The following RBPMS variants were observed in gnomAD, a reference collection of about 807,000 sequenced individuals.
RBPMS encodes RNA-binding protein with multiple splicing.
A neutral mutation model predicts 26.8 loss-of-function variants in RBPMS; 7 were observed. That is an observed-to-expected ratio of 0.26 (90% CI 0.15 to 0.49). RBPMS has a LOEUF of 0.49. Ranked by LOEUF, RBPMS falls within the 20% of genes least tolerant of loss-of-function variation. The probability of loss-of-function intolerance (pLI) is 0.98; values close to 1 mark genes in which losing one functional copy is unlikely to be tolerated. For synonymous variants in RBPMS, 96 were observed against 93.3 expected, an observed-to-expected ratio of 1.03 and a Z score of -0.17; for missense variants, 186 against 250.0, an observed-to-expected ratio of 0.74 and a Z score of 1.73.
chr8:30,442,909 A>G (rs147529349), intron 1 of RBPMS: 10 of 152,312 alleles, frequency 6.6e-5, no homozygotes, highest in African/African-American at 9.6e-5. Context: ...GGAAGGCTAT[A>G]GAAAGACTTG....
chr8:30,483,816 G>A (rs1378398647), intron 4 of RBPMS, among the ~76,000 whole-genome samples: 1 of 151,620 alleles, frequency 6.6e-6, no homozygotes, highest in African/African-American at 2.4e-5. Flanking sequence ...TGCTTTCTCC[G>A]TGAATTTGCC....
intron 1 of RBPMS, among the ~76,000 whole-genome samples, chr8:30,419,704 T>C (rs1364833055): frequency 6.6e-6 from 1 of 152,104 alleles, no homozygotes; most frequent in East Asian, 1.9e-4. Flanking sequence ...AGCGAATGAA[T>C]TTTGTGTTTA....
intron 1 of RBPMS, among the ~76,000 whole-genome samples, chr8:30,436,703 C>G (rs1812487136): frequency 6.6e-6 from 1 of 152,172 alleles, no homozygotes; most frequent in Non-Finnish European, 1.5e-5. Context: ...CTAGGGTATG[C>G]AGTGTGCCTG....
chr8:30,496,270 G>A (rs1262461763), intron 4 of RBPMS, among the ~76,000 whole-genome samples: 6 of 151,432 alleles, frequency 4.0e-5, no homozygotes, highest in East Asian at 3.9e-4. Context: ...CTGATTTCAC[G>A]CCATTCTCCT....
Position 30,478,741 on chromosome 8 carries a change from G to A in RBPMS, c.184-574G>A, listed in dbSNP as rs184218725. Among the ~76,000 whole-genome samples the A allele has an allele frequency of 1.1e-4, 17 of 152,174 alleles. No homozygotes were observed. The East Asian group carries it at 2.1e-3, about 19-fold the overall frequency. On this transcript the variant is annotated intron_variant, in intron 3 of 8. Transcript: ENST00000397323. Reference sequence around the variant, plus strand: ...TCTTGATCTCTTGACCTCGTGATCCGCCCACCTTGGCCTCCCAAAGTACTG... The same window carrying A: ...TCTTGATCTCTTGACCTCGTGATCCACCCACCTTGGCCTCCCAAAGTACTG...
intron 1 of RBPMS, among the ~76,000 whole-genome samples, chr8:30,413,227 C>T (rs1016584854): frequency 6.6e-6 from 1 of 151,768 alleles, no homozygotes; most frequent in African/African-American, 2.4e-5. Context: ...TACAGGCATG[C>T]ACCACTATGC....
At chr8:30,478,006 T>C (rs941978280) in intron 3 of RBPMS, among the ~76,000 whole-genome samples, 169 bp downstream of exon 3, 17 of 152,360 alleles carry the variant, frequency 1.1e-4, no homozygotes, top group Middle Eastern at 3.4e-3. Flanking sequence ...TTCATAATTC[T>C]ATAATCTTCA....
chr8:30,503,102 A>G lies in RBPMS; in HGVS notation c.247-1184A>G, dbSNP rs1164435444. ...TCTGTGGCTTTTGTTAGGCCTCCCT[A>G]AGGACCTCTCTTTCCTTCCCCTTCC... On this transcript the variant is annotated intron_variant, in intron 4 of 8. Coordinates refer to ENST00000397323, the MANE Select transcript of RBPMS (RefSeq NM_001008710.3). Among the ~76,000 whole-genome samples the G allele has an allele frequency of 2.0e-5, 3 of 152,040 alleles. No homozygotes were observed. In the South Asian group the frequency reaches 6.2e-4, roughly 32 times the overall value.
chr8:30,442,386 A>G (rs535068286), intron 1 of RBPMS, among the ~76,000 whole-genome samples: 1 of 152,190 alleles, frequency 6.6e-6, no homozygotes, highest in African/African-American at 2.4e-5. Context: ...GTTGCACTCT[A>G]GGATCCTGGA....
intron 6 of RBPMS, chr8:30,558,643 G>A (rs769002414): frequency 5.1e-6 from 3 of 586,148 alleles, no homozygotes; most frequent in Admixed American, 2.8e-5. Flanking sequence ...GTGGAACCTC[G>A]GGCACTTCTC....
In RBPMS at chr8:30,505,775, A is replaced by G. The variant is rs139478033; in HGVS notation, c.397+1339A>G. 4.3e-3 allele frequency among the ~76,000 whole-genome samples: 648 copies of G among 152,290 alleles called. 6 individuals carry two copies. The highest frequency in any genetic ancestry group is 0.014 in the African/African-American group (583 of 41,572). Reference sequence around the variant, plus strand: ...TTTATTATAGTGAGTGGATAAATTGATACTGAAATTGGGCTACTTGTAGAA... The same window carrying G: ...TTTATTATAGTGAGTGGATAAATTGGTACTGAAATTGGGCTACTTGTAGAA... On this transcript the variant is annotated intron_variant, in intron 5 of 8. Coordinates refer to ENST00000397323, the MANE Select transcript of RBPMS (RefSeq NM_001008710.3).
At chr8:30,526,935 A>G (rs1823647686) in intron 5 of RBPMS, among the ~76,000 whole-genome samples, 1 of 152,218 alleles carries the variant, frequency 6.6e-6, no homozygotes, top group Admixed American at 6.5e-5. Flanking sequence ...ATCTAAAAAA[A>G]TTAAGAGAAT....
intron 4 of RBPMS, among the ~76,000 whole-genome samples, chr8:30,500,901 T>C (rs934604006): frequency 6.6e-6 from 1 of 152,112 alleles, no homozygotes; most frequent in Admixed American, 6.5e-5. Context: ...TGGTTTCATA[T>C]CTGATCTGTT....
At chr8:30,464,053 C>G (rs976042317) in intron 1 of RBPMS, among the ~76,000 whole-genome samples, 1 of 152,134 alleles carries the variant, frequency 6.6e-6, no homozygotes, top group Non-Finnish European at 1.5e-5. Flanking sequence ...ACTTGACAGG[C>G]TTAGGCAGGA....
At chr8:30,514,935 C>T (rs1057107627) in intron 5 of RBPMS, among the ~76,000 whole-genome samples, 2 of 152,080 alleles carry the variant, frequency 1.3e-5, no homozygotes, top group African/African-American at 4.8e-5. Flanking sequence ...ATTCCAAAAT[C>T]ATGCATGGGT....
At chr8:30,457,047 T>C (rs901822194) in intron 1 of RBPMS, among the ~76,000 whole-genome samples, 3 of 152,250 alleles carry the variant, frequency 2.0e-5, no homozygotes, top group Non-Finnish European at 4.4e-5. Context: ...GAGAACTGTT[T>C]GCCTGCACAT....
intron 5 of RBPMS, among the ~76,000 whole-genome samples, chr8:30,531,519 G>T (rs1347789265): frequency 3.3e-5 from 5 of 152,218 alleles, no homozygotes; most frequent in African/African-American, 1.2e-4. Context: ...AAGCAGCTCA[G>T]TTAGTCTAAA....
chr8:30,411,491 C>G (rs563625538), intron 1 of RBPMS, among the ~76,000 whole-genome samples: 1 of 151,792 alleles, frequency 6.6e-6, no homozygotes, highest in East Asian at 1.9e-4. Flanking sequence ...ATCTCGAAAA[C>G]CCATCTCTAC....
rs186829260 is a variant in RBPMS at position 30,414,475 on chromosome 8, G to A, written c.66+29317G>A. On this transcript the variant is annotated intron_variant, in intron 1 of 8. Transcript: ENST00000397323. ...AACCCAAGGTCACTGGGCCATCTGT[G>A]TATGGGTCAGCCAGCTCTGCTCTGC... Among the ~76,000 whole-genome samples the A allele has an allele frequency of 9.2e-5, 14 of 152,312 alleles. No homozygotes were observed. The East Asian group carries it at 2.7e-3, about 29-fold the overall frequency.
Sources: allele counts gnomAD v4.1 joint callset (sites outside exome capture counted in the v4.1 genomes callset), GRCh38; gene constraint gnomAD v4.1.1; transcripts MANE v1.5; gene names NCBI Gene and HGNC (gene_info 2026-07-23, HGNC 2026-07-21).